TEF: variants seen among roughly 807,000 people sequenced by gnomAD.
TEF encodes the protein TEF transcription factor, PAR bZIP family member, also known as thyrotroph embryonic factor.
Under a neutral mutation model 20.8 loss-of-function variants are expected in TEF, and 3 were observed. The ratio of observed to expected loss-of-function variants is 0.14; its 90% CI spans 0.07 to 0.37. The LOEUF (loss-of-function observed/expected upper bound fraction) is 0.37. Ranked by LOEUF, TEF falls within the 10% of genes least tolerant of loss-of-function variation. The pLI, the probability that TEF is intolerant of heterozygous loss-of-function variation, is 1.00. For missense variants in TEF, 296 were observed against 397.9 expected, an observed-to-expected ratio of 0.74 and a Z score of 2.18; for synonymous variants, 180 against 171.1, an observed-to-expected ratio of 1.05 and a Z score of -0.41.
rs1461240488 is a variant in TEF at position 41,397,147 on chromosome 22, C to CT, written c.*1190dup. The CT allele has an allele frequency of 2.5e-6, 1 of 398,604 alleles. No homozygotes were observed. The highest frequency in any genetic ancestry group is 2.1e-5 in the African/African-American group (1 of 48,642). The allele number at this position is 398,604 out of a possible 1,614,324, so 24.7% of individuals were successfully genotyped here. A position where few individuals can be genotyped will look rare whatever the true frequency, so the allele number is the denominator to read the frequency against. On this transcript the variant is annotated 3_prime_UTR_variant, in exon 4 of 4. Coordinates refer to ENST00000266304, the MANE Select transcript of TEF (RefSeq NM_003216.4). Reference sequence around the variant, plus strand: ...TAGAGTCACCAAGGTCACAGTGCCACTTTCACGGGATAGCAGGCTCTTGGG... The same window carrying CT: ...TAGAGTCACCAAGGTCACAGTGCCACTTTTCACGGGATAGCAGGCTCTTGGG...
At chr22:41,394,514 T>C (rs1338589945) in intron 3 of TEF, among the ~76,000 whole-genome samples, 198 bp downstream of exon 3, 1 of 152,206 alleles carries the variant, frequency 6.6e-6, no homozygotes, top group African/African-American at 2.4e-5. Flanking sequence ...TTGGCCCCAG[T>C]GTGACTCCCT....
intron 1 of TEF, 149 bp downstream of exon 1, chr22:41,382,350 C>G: frequency 3.0e-6 from 2 of 676,284 alleles, no homozygotes; most frequent in Non-Finnish European, 2.0e-6. Context: ...GCCTGGAGGA[C>G]GAGGCCGGGG....
chr22:41,381,479 G>A (rs1280034944), upstream of TEF, among the ~76,000 whole-genome samples: 3 of 152,166 alleles, frequency 2.0e-5, no homozygotes, highest in African/African-American at 7.2e-5. Context: ...GCGAGCAGGA[G>A]CTCGGATAGG....
chr22:41,377,178 A>G (rs1165171693), upstream of TEF: 1 of 151,910 alleles, frequency 6.6e-6, no homozygotes, highest in Admixed American at 6.6e-5. Context: ...TTTTTCTTTG[A>G]AAAAACAGAA....
Position 41,394,133 on chromosome 22 carries a change from C to G in TEF, c.513C>G (p.Pro171=), listed in dbSNP as rs752424715. The G allele has an allele frequency of 2.5e-6, 4 of 1,614,100 alleles. No homozygotes were observed. The South Asian group carries it at 4.4e-5, about 18-fold the overall frequency. ...SLEKERETPS[P]IDPNCVEVDV... is the part of the protein sequence containing the mutation. Reference sequence around the variant, plus strand: ...AGAAGGAGAGGGAGACTCCCAGTCCCATCGACCCCAATTGTGTGGAAGTGG... The same window carrying G: ...AGAAGGAGAGGGAGACTCCCAGTCCGATCGACCCCAATTGTGTGGAAGTGG... Residue 171 remains proline (P), a synonymous_variant, in exon 3 of 4, where the codon CCC becomes CCG. Transcript: ENST00000266304.
chr22:41,369,336 A>C, intron 1 of TEF: 1 of 814,324 alleles, frequency 1.2e-6, no homozygotes, highest in Non-Finnish European at 1.5e-6. Flanking sequence ...AGCTTTGCCG[A>C]GCACTGGCAA....
Position 41,373,767 on chromosome 22 carries a change from C to CTT in TEF, c.67+6184_67+6185dup, listed in dbSNP as rs34394084. Among the ~76,000 whole-genome samples the CTT allele has an allele frequency of 2.7e-3, 336 of 125,544 alleles. 12 individuals carry two copies. Among genetic ancestry groups the CTT allele is most frequent in the South Asian group, 0.011 (45 of 4,028 alleles). The allele number at this position is 125,544 out of a possible 152,430, so 82.4% of individuals were successfully genotyped here. A position where few individuals can be genotyped will look rare whatever the true frequency, so the allele number is the denominator to read the frequency against. On this transcript the variant is annotated intron_variant, in intron 1 of 3. Coordinates refer to the TEF transcript ENST00000406644. ...ACAGTCGTAAGTCACCACGCCCGGA[C>CTT]TTTTTTTTTTTTTTTTTGGAGACGG...
At chr22:41,372,953 G>T (rs2036900164) in intron 1 of TEF, among the ~76,000 whole-genome samples, 2 of 152,116 alleles carry the variant, frequency 1.3e-5, no homozygotes, top group South Asian at 4.2e-4. Flanking sequence ...CACCATGGCT[G>T]CAGAAAGCAA....
intron 2 of TEF, among the ~76,000 whole-genome samples, chr22:41,390,976 T>C (rs1394142230): frequency 6.6e-6 from 1 of 152,112 alleles, no homozygotes; most frequent in African/African-American, 2.4e-5. Context: ...CACCCAGGCA[T>C]GGCGTCACTT....
intron 1 of TEF, among the ~76,000 whole-genome samples, chr22:41,384,619 A>G (rs954113262): frequency 1.3e-5 from 2 of 152,148 alleles, no homozygotes; most frequent in African/African-American, 2.4e-5. Flanking sequence ...TACAGTTAGT[A>G]TATATATTTT....
chr22:41,374,501 G>A (rs1020847981), intron 1 of TEF, among the ~76,000 whole-genome samples: 2 of 151,308 alleles, frequency 1.3e-5, no homozygotes, highest in African/African-American at 2.4e-5. Context: ...GCAGTGAGCC[G>A]AGATCGCGCC....
chr22:41,396,164 G>T lies in TEF; in HGVS notation c.*204G>T. The stretch of plus-strand genomic sequence containing the variant: ...TCCCTGAGGGGCCAGTCTCCTCACT[G>T]GTGGGGAACGCAAGAGAATCTGCGT... On this transcript the variant is annotated 3_prime_UTR_variant, in exon 4 of 4. Coordinates refer to ENST00000266304, the MANE Select transcript of TEF (RefSeq NM_003216.4). 1.8e-6 allele frequency: 1 copy of T among 571,368 alleles called. No homozygotes were observed. 35.4% of individuals were successfully genotyped at this position (571,368 alleles called of 1,614,324 possible).
Position 41,367,641 on chromosome 22 carries a change from CTCGAGGGG to C in TEF, c.67+43_67+50del, listed in dbSNP as rs1380372706. The C allele has an allele frequency of 1.9e-6, 3 of 1,542,702 alleles. No individual in the cohort carries two copies. The African/African-American group carries it at 4.1e-5, about 21-fold the overall frequency. On this transcript the variant is annotated intron_variant, in intron 1 of 3. Coordinates refer to the TEF transcript ENST00000406644. ...CCTGCATTGATTGGCTGCCCAGGTA[CTCGAGGGG>C]GCGAGGGGGCAGCCACAGGCACAGT...
In TEF at chr22:41,394,240, A is replaced by G. The variant is rs143319667; in HGVS notation, c.620A>G (p.Lys207Arg). 2.5e-6 allele frequency: 4 copies of G among 1,614,024 alleles called. No individual in the cohort carries two copies. Among genetic ancestry groups the G allele is most frequent in the African/African-American group, 2.7e-5 (2 of 74,926 alleles). The stretch of plus-strand genomic sequence containing the variant: ...GAGCTCTTCAACCCTCGGAAGCACA[A>G]GTTTGCTGAGGAGGACCTGAAGCCC... ...GGELFNPRKH[K>R]FAEEDLKPQP... Residue 207 changes from lysine (K) to arginine (R), a missense_variant, in exon 3 of 4, where the codon AAG (lysine) becomes AGG (arginine). This residue lies in a region of TEF where 194 missense variants were observed against 317.8 expected (regional missense o/e 0.61). Transcript: ENST00000266304.
chr22:41,386,798 A>G (rs535550866), intron 1 of TEF, among the ~76,000 whole-genome samples: 2 of 152,018 alleles, frequency 1.3e-5, no homozygotes, highest in African/African-American at 4.8e-5. Flanking sequence ...TCATGCCTGT[A>G]ATCCCAGCAC....
chr22:41,379,942 G>GA (rs2036995463), upstream of TEF, among the ~76,000 whole-genome samples: 1 of 150,794 alleles, frequency 6.6e-6, no homozygotes, highest in Non-Finnish European at 1.5e-5. Flanking sequence ...AAAATAAAAA[G>GA]AAAAGGAGGC....
chr22:41,382,261 T>G, intron 1 of TEF, 60 bp downstream of exon 1: 1 of 631,260 alleles, frequency 1.6e-6, no homozygotes, highest in Middle Eastern at 6.4e-4. Flanking sequence ...GGGCGGGGCC[T>G]CGTGAGGGCG....
chr22:41,372,735 T>C (rs2145962211), intron 1 of TEF, among the ~76,000 whole-genome samples: 1 of 152,098 alleles, frequency 6.6e-6, no homozygotes, highest in South Asian at 2.1e-4. Flanking sequence ...GTTTGGATTC[T>C]AGAGGGGAGA....
intron 1 of TEF, among the ~76,000 whole-genome samples, chr22:41,385,358 C>G (rs891242022): frequency 6.6e-6 from 1 of 151,502 alleles, no homozygotes; most frequent in Non-Finnish European, 1.5e-5. Flanking sequence ...GAAACTCCTT[C>G]TCATAAAAAA....
Sources: gnomAD v4.1 joint callset for allele counts (sites outside exome capture counted in the v4.1 genomes callset) on GRCh38, gnomAD v4.1.1 for gene constraint, gnomAD v4.1.1 regional missense constraint, MANE v1.5 for transcripts, NCBI Gene and HGNC (gene_info 2026-07-23, HGNC 2026-07-21) for gene names.